The following SIL1 variants were observed in gnomAD, a reference collection of about 807,000 sequenced individuals.
SIL1 encodes nucleotide exchange factor SIL1.
Under a neutral mutation model 49.1 loss-of-function variants are expected in SIL1, and 40 were observed. The observed-to-expected ratio is 0.81, with a 90% CI of 0.63 to 1.06. The LOEUF is 1.06. Among genes scored for constraint, SIL1 ranks in the 50% least tolerant of loss-of-function variants. The pLI is 0.00. For synonymous variants in SIL1, 253 were observed against 250.8 expected (o/e 1.01, Z -0.08); for missense variants, 500 against 572.6 (o/e 0.87, Z 1.29).
At chr5:139,117,020 A>G (rs940803960) in intron 3 of SIL1, among the ~76,000 whole-genome samples, 1 of 152,374 alleles carries the variant, frequency 6.6e-6, no homozygotes, top group Non-Finnish European at 1.5e-5. Context: ...GAGATTCAGC[A>G]TCATAAAATT....
intron 3 of SIL1, among the ~76,000 whole-genome samples, chr5:139,065,706 A>G (rs1227865615): frequency 6.6e-6 from 1 of 152,054 alleles, no homozygotes; most frequent in African/African-American, 2.4e-5. Context: ...TGCTGCCCCC[A>G]ACTGCACCCC....
intron 1 of SIL1, among the ~76,000 whole-genome samples, chr5:139,171,745 A>C (rs913073841): frequency 1.3e-5 from 2 of 151,730 alleles, no homozygotes; most frequent in South Asian, 2.1e-4. Flanking sequence ...AAAAGAAAAA[A>C]AATAAACCAA....
chr5:139,034,775 T>G (rs113564098), intron 5 of SIL1, among the ~76,000 whole-genome samples: 76 of 152,348 alleles, frequency 5.0e-4, no homozygotes, highest in African/African-American at 1.8e-3. Flanking sequence ...TTCCTTTAGG[T>G]ATATACCCAG....
intron 7 of SIL1, among the ~76,000 whole-genome samples, chr5:139,008,249 A>C (rs1221008378): frequency 4.0e-5 from 6 of 151,466 alleles, no homozygotes; most frequent in Non-Finnish European, 7.4e-5. Flanking sequence ...TTATTTGCGT[A>C]GAGGTGTTTG....
chr5:138,992,975 G>C (rs1241350563), intron 7 of SIL1, among the ~76,000 whole-genome samples: 1 of 152,180 alleles, frequency 6.6e-6, no homozygotes, highest in Non-Finnish European at 1.5e-5. Context: ...GTAACTGAAA[G>C]CTAGCTGAGA....
In SIL1 at chr5:138,947,335, C is replaced by T. The variant is rs199921583; in HGVS notation, c.1168G>A (p.Glu390Lys). 1.4e-5 allele frequency: 22 copies of T among 1,613,622 alleles called. No homozygotes were observed. Among genetic ancestry groups the T allele is most frequent in the African/African-American group, 1.2e-4 (9 of 75,056 alleles). The part of the protein sequence containing the change: ...EITAHLLALP[E>K]HDAREKVLQT... ...AGCACCTTCTCACGGGCATCATGCT[C>T]GGGCAGCGCCAGGAGGTGGGCCGTG... is the stretch of plus-strand genomic sequence containing the variant. The change falls in exon 10 of 10, where the codon GAG becomes AAG. Residue 390 changes from glutamate (E) to lysine (K), a missense_variant. Physicochemically the swap from Glu to Lys is moderately conservative, Grantham distance 56 (BLOSUM62 1). Transcript: ENST00000394817. This position sits in a 1 kb window ranked among gnomAD's most constrained non-coding sequence, Gnocchi z 4.1.
rs573972236 is a variant in SIL1, at chr5:139,096,611, C to T, written c.244+24424G>A. Among the ~76,000 whole-genome samples the T allele has an allele frequency of 7.3e-5, 11 of 151,604 alleles. No individual in the cohort carries two copies. The East Asian group carries it at 2.2e-3, about 30-fold the overall frequency. ...GGACTTCATCTTGCATCTTGAATACCGGCTCAGCCACAGCAGAACAGGGCA... is the reference window on the plus strand; with the variant it reads ...GGACTTCATCTTGCATCTTGAATACTGGCTCAGCCACAGCAGAACAGGGCA... On this transcript the variant is annotated intron_variant, in intron 3 of 9. Transcript: ENST00000394817.
At chr5:139,145,562 T>C (rs1751174244) in intron 1 of SIL1, among the ~76,000 whole-genome samples, 1 of 151,542 alleles carries the variant, frequency 6.6e-6, no homozygotes, top group South Asian at 2.1e-4. Flanking sequence ...ATCCAAAAGA[T>C]GAAAATGACT....
chr5:139,048,966 G>A (rs1036371913), intron 4 of SIL1, among the ~76,000 whole-genome samples: 3 of 152,216 alleles, frequency 2.0e-5, no homozygotes, highest in African/African-American at 7.2e-5. Context: ...GAGAACAAAT[G>A]CCTCTATCTC....
At chr5:139,093,365 T>G (rs78387810) in intron 3 of SIL1, among the ~76,000 whole-genome samples, 1,665 of 152,338 alleles carry the variant, frequency 0.011, 36 homozygotes, top group African/African-American at 0.038. Flanking sequence ...AAGACAGAGA[T>G]AAATCAAGTT....
intron 7 of SIL1, among the ~76,000 whole-genome samples, chr5:138,958,613 T>C (rs1488172650): frequency 2.6e-5 from 4 of 152,176 alleles, no homozygotes; most frequent in African/African-American, 9.7e-5. Context: ...ATCTGAAACT[T>C]TTTGGGCATC....
chr5:139,072,511 T>A (rs1769856204), intron 3 of SIL1, among the ~76,000 whole-genome samples: 1 of 152,116 alleles, frequency 6.6e-6, no homozygotes, highest in Non-Finnish European at 1.5e-5. Context: ...TGTAAAAGAA[T>A]GAAATTAGAC....
At chr5:139,179,153 C>T (rs1751937545) in intron 1 of SIL1, among the ~76,000 whole-genome samples, 1 of 152,126 alleles carries the variant, frequency 6.6e-6, no homozygotes, top group Non-Finnish European at 1.5e-5. Flanking sequence ...ATAAAAGTTC[C>T]CAGCACAGGC....
chr5:139,071,640 G>A (rs1187395160), intron 3 of SIL1, among the ~76,000 whole-genome samples: 1 of 151,228 alleles, frequency 6.6e-6, no homozygotes, highest in Non-Finnish European at 1.5e-5. Flanking sequence ...TTTTTATAGT[G>A]AGCATTCATA....
intron 7 of SIL1, among the ~76,000 whole-genome samples, chr5:138,954,489 G>A (rs1766858277): frequency 6.6e-6 from 1 of 152,238 alleles, no homozygotes; most frequent in South Asian, 2.1e-4. Context: ...TTCCTAAAAG[G>A]CCACCCTGTG....
intron 7 of SIL1, among the ~76,000 whole-genome samples, chr5:139,007,090 G>A (rs1161183525): frequency 7.4e-6 from 1 of 135,438 alleles, no homozygotes; most frequent in Non-Finnish European, 1.6e-5. Context: ...TCCTACCCAT[G>A]AGCATGGAAT....
intron 1 of SIL1, among the ~76,000 whole-genome samples, chr5:139,138,140 C>T (rs1751011982): frequency 9.2e-6 from 1 of 108,290 alleles, no homozygotes; most frequent in African/African-American, 4.6e-5. Flanking sequence ...CACACACACA[C>T]ATATACACAC....
chr5:139,033,119 G>T (rs541454512), intron 5 of SIL1, among the ~76,000 whole-genome samples: 1 of 151,862 alleles, frequency 6.6e-6, no homozygotes, highest in African/African-American at 2.4e-5. Context: ...TCAGTCTCCC[G>T]AGTAGCTCGG....
intron 3 of SIL1, among the ~76,000 whole-genome samples, chr5:139,068,283 G>T (rs770432809): frequency 6.6e-6 from 1 of 152,178 alleles, no homozygotes; most frequent in Non-Finnish European, 1.5e-5. Flanking sequence ...AAACACCTAA[G>T]TAGCTGATAG....
Sources: gnomAD v4.1 joint callset for allele counts (sites outside exome capture counted in the v4.1 genomes callset) on GRCh38, gnomAD v4.1.1 for gene constraint, Gnocchi (gnomAD v3.1) non-coding constraint, MANE v1.5 for transcripts, NCBI Gene and HGNC (gene_info 2026-07-23, HGNC 2026-07-21) for gene names.